ADCY9: variants seen among roughly 807,000 people sequenced by gnomAD.
ADCY9 encodes the protein adenylate cyclase type 9.
ADCY9 carries 50 observed loss-of-function variants against 101.5 expected under a neutral mutation model. The ratio of observed to expected loss-of-function variants is 0.49; its 90% CI spans 0.39 to 0.62. The LOEUF is 0.62. ADCY9 is among the 20% of genes least tolerant of loss of function. The pLI, the probability that ADCY9 is intolerant of heterozygous loss-of-function variation, is 0.00. For synonymous variants in ADCY9, 905 were observed against 769.3 expected, an observed-to-expected ratio of 1.18 and a Z score of -2.92; for missense variants, 1,662 against 1,800.4, an observed-to-expected ratio of 0.92 and a Z score of 1.39.
At chr16:4,017,488 A>G (rs921774377) in intron 2 of ADCY9, among the ~76,000 whole-genome samples, 1 of 149,822 alleles carries the variant, frequency 6.7e-6, no homozygotes, top group Non-Finnish European at 1.5e-5. Flanking sequence ...TACTGAAAAT[A>G]CGAAAATTAG....
chr16:3,987,183 G>C (rs963446499), intron 6 of ADCY9, among the ~76,000 whole-genome samples: 1 of 152,212 alleles, frequency 6.6e-6, no homozygotes, highest in East Asian at 1.9e-4. Context: ...GCCTGGGCTT[G>C]GTGCCTCGCC....
Position 4,023,472 on chromosome 16 carries a change from G to A in ADCY9, c.1694-15914C>T, listed in dbSNP as rs552706639. ...GGTGGTGTAGGTCTGGGGAAGGCACGAGGGATGCAGGGATCAGCATGGAAA... is the reference window on the plus strand; with the variant it reads ...GGTGGTGTAGGTCTGGGGAAGGCACAAGGGATGCAGGGATCAGCATGGAAA... On this transcript the variant is annotated intron_variant, in intron 2 of 10. Coordinates refer to ENST00000294016, the MANE Select transcript of ADCY9 (RefSeq NM_001116.4). 3.2e-4 allele frequency among the ~76,000 whole-genome samples: 48 copies of A among 152,262 alleles called. No homozygotes were observed. The South Asian group carries it at 7.7e-3, about 24-fold the overall frequency.
chr16:4,024,100 G>A (rs1329420124), intron 2 of ADCY9, among the ~76,000 whole-genome samples: 2 of 151,352 alleles, frequency 1.3e-5, no homozygotes, highest in East Asian at 3.9e-4. Flanking sequence ...TCGGCTCACT[G>A]CAACCTCCGC....
At chr16:4,098,750 C>G (rs368990561) in intron 2 of ADCY9, among the ~76,000 whole-genome samples, 2 of 151,884 alleles carry the variant, frequency 1.3e-5, no homozygotes, top group Admixed American at 1.3e-4. Context: ...GCCGGCCCAT[C>G]GTTCCAGGAG....
chr16:4,069,493 A>G (rs958529152), intron 2 of ADCY9, among the ~76,000 whole-genome samples: 8 of 152,076 alleles, frequency 5.3e-5, no homozygotes, highest in Admixed American at 2.6e-4. Context: ...GGCTTCAACA[A>G]AGGTTGGAAG....
At chr16:4,059,593 T>C (rs34102747) in intron 2 of ADCY9, among the ~76,000 whole-genome samples, 21,887 of 151,764 alleles carry the variant, frequency 0.14, 1,625 homozygotes, top group Middle Eastern at 0.17. Flanking sequence ...AATTGAAAAA[T>C]GTTTATTCAA....
chr16:4,100,533 G>A (rs1285759667), intron 2 of ADCY9, among the ~76,000 whole-genome samples: 2 of 151,964 alleles, frequency 1.3e-5, no homozygotes. Context: ...GTTTTGCCAT[G>A]TCGGACAGGC....
At chr16:4,027,907 A>G (rs893441030) in intron 2 of ADCY9, among the ~76,000 whole-genome samples, 2 of 151,832 alleles carry the variant, frequency 1.3e-5, no homozygotes, top group African/African-American at 2.4e-5. Context: ...AAAACCCATC[A>G]GATCTCGTGA....
At chr16:4,057,332 C>T (rs2056746733) in intron 2 of ADCY9, among the ~76,000 whole-genome samples, 1 of 152,004 alleles carries the variant, frequency 6.6e-6, no homozygotes, top group South Asian at 2.1e-4. Context: ...ACATACCGTA[C>T]AATTCATCTG....
At chr16:4,093,965 C>T (rs188596667) in intron 2 of ADCY9, among the ~76,000 whole-genome samples, 6 of 152,266 alleles carry the variant, frequency 3.9e-5, no homozygotes, top group Admixed American at 3.9e-4. Context: ...AATACAGTAA[C>T]ATCATGACTG....
At chr16:4,018,971 T>TGTGTGTGTGTGTGTGTGTGTGTGTG (rs1567440030) in intron 2 of ADCY9, among the ~76,000 whole-genome samples, 3 of 7,230 alleles carry the variant, frequency 4.1e-4, no homozygotes, top group South Asian at 5.7e-3. Flanking sequence ...GTGTGTGTGT[T>TGTGTGTGTGTGTGTGTGTGTGTGTG]TTGTTTTGTT....
chr16:3,958,774 C>T (rs534026117), downstream of ADCY9, among the ~76,000 whole-genome samples: 4 of 141,770 alleles, frequency 2.8e-5, no homozygotes, highest in Admixed American at 7.4e-5. Flanking sequence ...TGGGTTCAAG[C>T]GATTCTCGTG....
intron 2 of ADCY9, among the ~76,000 whole-genome samples, chr16:4,026,554 G>A (rs1411541540): frequency 6.6e-6 from 1 of 151,982 alleles, no homozygotes; most frequent in African/African-American, 2.4e-5. Context: ...TGTTTGTAGC[G>A]GCACTATTCA....
chr16:4,052,743 T>C (rs1365764973), intron 2 of ADCY9, among the ~76,000 whole-genome samples: 2 of 152,204 alleles, frequency 1.3e-5, no homozygotes, highest in African/African-American at 4.8e-5. Context: ...ACAGTAGCCC[T>C]AGGAAATAAA....
intron 2 of ADCY9, among the ~76,000 whole-genome samples, 179 bp from the exon 3 acceptor site, chr16:4,007,737 G>T (rs1270925162): frequency 6.6e-6 from 1 of 151,964 alleles, no homozygotes; most frequent in African/African-American, 2.4e-5. Context: ...CGGCCTCAGG[G>T]AGACCGTGGG....
chr16:4,094,421 G>A (rs1385327743), intron 2 of ADCY9, among the ~76,000 whole-genome samples: 4 of 152,172 alleles, frequency 2.6e-5, no homozygotes, highest in African/African-American at 4.8e-5. Context: ...GCAAATCACA[G>A]CAAATGTCAT....
intron 2 of ADCY9, among the ~76,000 whole-genome samples, chr16:4,055,829 G>A (rs1033621784): frequency 2.0e-5 from 3 of 150,130 alleles, no homozygotes; most frequent in Non-Finnish European, 3.0e-5. Context: ...GCGAGGATCC[G>A]TTTCAAAAAA....
chr16:4,024,277 T>A (rs2056498638), intron 2 of ADCY9, among the ~76,000 whole-genome samples: 1 of 152,090 alleles, frequency 6.6e-6, no homozygotes, highest in East Asian at 1.9e-4. Flanking sequence ...CACCTCAGCC[T>A]CCCAAAGTGC....
At chr16:4,014,345 T>A in intron 2 of ADCY9, among the ~76,000 whole-genome samples, 1 of 142,574 alleles carries the variant, frequency 7.0e-6, no homozygotes, top group Non-Finnish European at 1.6e-5. Flanking sequence ...AAAAAAGAAG[T>A]CCCAAATAAT....
Sources: gnomAD v4.1 joint callset for allele counts (sites outside exome capture counted in the v4.1 genomes callset) on GRCh38, gnomAD v4.1.1 for gene constraint, MANE v1.5 for transcripts, NCBI Gene and HGNC (gene_info 2026-07-23, HGNC 2026-07-21) for gene names.